The following RPL13A variants were observed in gnomAD, a reference collection of about 807,000 sequenced individuals.
RPL13A encodes large ribosomal subunit protein uL13.
A neutral mutation model predicts 30.8 loss-of-function variants in RPL13A; 4 were observed. The observed-to-expected ratio is 0.13, with a 90% confidence interval of 0.06 to 0.30. The LOEUF (loss-of-function observed/expected upper bound fraction) is 0.30. Among genes scored for constraint, RPL13A ranks in the 10% least tolerant of loss-of-function variants. The pLI is 1.00. For synonymous variants in RPL13A, 108 were observed against 104.2 expected (o/e 1.04, Z -0.22); for missense variants, 196 against 272.6 (o/e 0.72, Z 1.98).
rs750672982 is a variant in RPL13A, at chr19:49,491,272, T to C, written c.403-153T>C. 5.1e-6 allele frequency: 6 copies of C among 1,165,282 alleles called. No individual in the cohort carries two copies. The African/African-American group carries it at 8.9e-5, about 17-fold the overall frequency. The allele number at this position is 1,165,282 out of a possible 1,614,324, so 72.2% of individuals were successfully genotyped here. A position where few individuals can be genotyped will look rare whatever the true frequency, so the allele number is the denominator to read the frequency against. On this transcript the variant is annotated intron_variant, in intron 6 of 7. Transcript: ENST00000391857. The stretch of plus-strand genomic sequence containing the variant: ...GCTGATGCCAGGAGGCTTGGGTGGG[T>C]GCTTTTCTAACAGGCCTGCAGAGAA...
chr19:49,487,754 G>A, intron 1 of RPL13A, 110 bp downstream of exon 1: 1 of 1,162,016 alleles, frequency 8.6e-7, no homozygotes, highest in Non-Finnish European at 1.2e-6. Flanking sequence ...CATCCATAAT[G>A]AAGCAAAATG....
In RPL13A at chr19:49,487,641, G is replaced by A; in HGVS notation, c.12G>A (p.Val4=). 1.9e-6 allele frequency: 3 copies of A among 1,563,556 alleles called. No homozygotes were observed. Among genetic ancestry groups the A allele is most frequent in the Non-Finnish European group, 2.6e-6 (3 of 1,156,454 alleles). MAE[V]QVLVLDGRGH... ...AGCGGCTGCCGAAGATGGCGGAGGT[G>A]CAGGTATGGGCTCCGCGCGGGCCGG... Residue 4 remains valine (V), a synonymous_variant, in exon 1 of 8, where the codon GTG becomes GTA. Coordinates refer to ENST00000391857, the MANE Select transcript of RPL13A (RefSeq NM_012423.4).
intron 6 of RPL13A, 94 bp downstream of exon 6, chr19:49,491,193 C>A: frequency 7.0e-7 from 1 of 1,426,924 alleles, no homozygotes; most frequent in Non-Finnish European, 9.9e-7. Flanking sequence ...ATGTCCTTAT[C>A]TCACGATGGT....
rs547700922 is a variant in RPL13A at position 49,488,562 on chromosome 19, T to G, written c.15+918T>G. Among the ~76,000 whole-genome samples the G allele has an allele frequency of 5.3e-5, 8 of 152,358 alleles. No homozygotes were observed. The South Asian group carries it at 1.7e-3, about 32-fold the overall frequency. ...ATCCTTGTTTTACAGAGGAGGAAAT[T>G]AAATTGGAATTGGTGATTTTGGGCC... On this transcript the variant is annotated intron_variant, in intron 1 of 7. Coordinates refer to ENST00000391857, the MANE Select transcript of RPL13A (RefSeq NM_012423.4).
In RPL13A at chr19:49,492,211, A is replaced by G. The variant is rs1021808242; in HGVS notation, c.*396A>G. 4.0e-5 allele frequency: 7 copies of G among 177,100 alleles called. No individual in the cohort carries two copies. Among genetic ancestry groups the G allele is most frequent in the Non-Finnish European group, 7.3e-5 (6 of 82,290 alleles). The allele number at this position is 177,100 out of a possible 1,614,324, so 11.0% of individuals were successfully genotyped here. ...TTGTACACAGGGTATTTCTAGAAGC[A>G]GAAATAGACTGGGAAGATGCACAAC... On this transcript the variant is annotated 3_prime_UTR_variant, in exon 8 of 8. Coordinates refer to ENST00000391857, the MANE Select transcript of RPL13A (RefSeq NM_012423.4).
At chr19:49,488,640 C>G (rs1245862212) in intron 1 of RPL13A, among the ~76,000 whole-genome samples, 1 of 152,234 alleles carries the variant, frequency 6.6e-6, no homozygotes, top group Non-Finnish European at 1.5e-5. Context: ...TGTACCAACG[C>G]TTACAAAGCA....
intron 4 of RPL13A, 26 bp downstream of exon 4, chr19:49,490,602 TGGTGACGGGCAGGC>T (rs1304837244): frequency 6.2e-6 from 10 of 1,611,000 alleles, no homozygotes; most frequent in Non-Finnish European, 8.5e-6. Context: ...GGACTGCAGG[TGGTGACGGGCAGGC>T]GGCCGGTGAT....
intron 1 of RPL13A, 110 bp from the exon 2 acceptor site, chr19:49,489,740 G>T: frequency 2.3e-6 from 2 of 865,606 alleles, no homozygotes; most frequent in East Asian, 2.4e-5. Flanking sequence ...CTGATGGCTG[G>T]GTGCAAGGCA....
chr19:49,489,552 C>T (rs553342870), intron 1 of RPL13A, among the ~76,000 whole-genome samples: 9 of 152,160 alleles, frequency 5.9e-5, no homozygotes, highest in Non-Finnish European at 1.0e-4. Context: ...TGCTGGTCTT[C>T]GTTCAAATCC....
At chr19:49,491,402 A>ACCCCCCCCCCCC (rs71180637) in intron 6 of RPL13A, 23 bp from the exon 7 acceptor site, 5 of 237,306 alleles carry the variant, frequency 2.1e-5, no homozygotes, top group Admixed American at 5.4e-5. Flanking sequence ...TCATTTGTTC[A>ACCCCCCCCCCCC]CCCCCCCCCC....
In RPL13A at chr19:49,491,804, C is replaced by T; in HGVS notation, c.601C>T (p.Leu201Phe). The change falls in exon 8 of 8, where the codon CTC (leucine) becomes TTC (phenylalanine). Residue 201 changes from leucine to phenylalanine, a missense_variant. Physicochemically the swap from Leu to Phe is conservative, Grantham distance 22. Transcript: ENST00000391857. ...CACAGAGGTCCTCAAGACCCACGGA[C>T]TCCTGGTCTGAGCCCAATAAAGACT... is the stretch of plus-strand genomic sequence containing the variant. Reference protein sequence around the residue: ...KYTEVLKTHGLLV With the variant: ...KYTEVLKTHGFLV 1.2e-6 allele frequency: 2 copies of T among 1,607,422 alleles called. No individual in the cohort carries two copies. The highest frequency in any genetic ancestry group is 1.7e-6 in the Non-Finnish European group (2 of 1,176,786).
At position 49,490,831 on chromosome 19, in the gene RPL13A, G is replaced by A. The variant is rs11542197; in HGVS notation, c.309G>A (p.Lys103=). The change falls in exon 5 of 8, where the codon AAG becomes AAA. Residue 103 remains lysine (K), a synonymous_variant. Transcript: ENST00000391857. ...GCCAGGCCGCTCTGGACCGTCTCAA[G>A]GTGTTTGACGGCATCCCACCGCCCT... is the stretch of plus-strand genomic sequence containing the variant. The part of the protein sequence containing the change: ...KRGQAALDRL[K]VFDGIPPPYD... The A allele has an allele frequency of 6.2e-7, 1 of 1,614,076 alleles. No individual in the cohort carries two copies. Among genetic ancestry groups the A allele is most frequent in the Non-Finnish European group, 8.5e-7 (1 of 1,180,030 alleles).
chr19:49,490,664 T>C (rs745575528), intron 4 of RPL13A, 88 bp downstream of exon 4: 5 of 1,573,062 alleles, frequency 3.2e-6, no homozygotes, highest in African/African-American at 1.3e-5. Context: ...TTCCCGACCA[T>C]GAGATGACTC....
intron 1 of RPL13A, 119 bp downstream of exon 1, chr19:49,487,763 T>C (rs757407359): frequency 3.6e-6 from 4 of 1,098,082 alleles, no homozygotes; most frequent in Non-Finnish European, 3.8e-6. Context: ...TGAAGCAAAA[T>C]GGAAGTCTTT....
intron 1 of RPL13A, among the ~76,000 whole-genome samples, chr19:49,489,622 G>T (rs757812589): frequency 3.3e-5 from 5 of 152,226 alleles, no homozygotes; most frequent in Non-Finnish European, 5.9e-5. Context: ...CAGATATGAG[G>T]GGAGTTTGGG....
rs373821209 is a variant in RPL13A, at chr19:49,491,750, A to G, written c.547A>G (p.Lys183Glu). The G allele has an allele frequency of 6.7e-5, 108 of 1,613,480 alleles. No homozygotes were observed. The highest frequency in any genetic ancestry group is 8.6e-5 in the Non-Finnish European group (102 of 1,179,850). The change falls in exon 8 of 8, where the codon AAG (lysine) becomes GAG (glutamate). Residue 183 changes from lysine (K) to glutamate (E), a missense_variant. By Grantham distance (56) the Lys-to-Glu change is moderately conservative. Coordinates refer to ENST00000391857, the MANE Select transcript of RPL13A (RefSeq NM_012423.4). ...QLMRLRKQAEKNVEKKIDKYT... is the reference protein window; with the variant it reads ...QLMRLRKQAEENVEKKIDKYT... ...GCAGAGGCTACGGAAACAGGCCGAG[A>G]AGAACGTGGAGAAGAAAATTGACAA...
chr19:49,491,404 C>G (rs113292215), intron 6 of RPL13A, 21 bp from the exon 7 acceptor site: 7 of 132,604 alleles, frequency 5.3e-5, no homozygotes, highest in African/African-American at 9.9e-5. Context: ...ATTTGTTCAC[C>G]CCCCCCCCCC....
chr19:49,489,436 A>G (rs2079842544), intron 1 of RPL13A, among the ~76,000 whole-genome samples: 1 of 152,144 alleles, frequency 6.6e-6, no homozygotes, highest in African/African-American at 2.4e-5. Context: ...GGGAGGTCAC[A>G]GGATCACAGG....
chr19:49,490,988 C>T, intron 5 of RPL13A, 52 bp from the exon 6 acceptor site: 2 of 1,611,966 alleles, frequency 1.2e-6, no homozygotes, highest in Non-Finnish European at 1.7e-6. Flanking sequence ...CAGCCGACCT[C>T]CTTCCCTGTC....
Sources: gnomAD v4.1 joint callset for allele counts (sites outside exome capture counted in the v4.1 genomes callset) on GRCh38, gnomAD v4.1.1 for gene constraint, MANE v1.5 for transcripts, NCBI Gene and HGNC (gene_info 2026-07-23, HGNC 2026-07-21) for gene names.